Variants in DLEU7 observed in about 807,000 individuals in gnomAD.
DLEU7 encodes leukemia-associated protein 7.
DLEU7 carries 17 observed loss-of-function variants against 16.0 expected under a neutral mutation model. That is an observed-to-expected ratio of 1.06 (90% CI 0.73 to 1.59). The LOEUF is 1.59. DLEU7 is among the 40% of genes most tolerant of loss of function. DLEU7 has a pLI of 0.00. For synonymous variants in DLEU7, 113 were observed against 139.8 expected (o/e 0.81, Z 1.35); for missense variants, 308 against 314.9 (o/e 0.98, Z 0.17).
intron 1 of DLEU7, among the ~76,000 whole-genome samples, chr13:50,729,537 G>A (rs1566231533): frequency 6.6e-6 from 1 of 151,584 alleles, no homozygotes; most frequent in Non-Finnish European, 1.5e-5. Context: ...TATTCCTTTA[G>A]GTATTTACCT....
chr13:50,826,993 G>C (rs1566265710), intron 1 of DLEU7, among the ~76,000 whole-genome samples: 1 of 152,096 alleles, frequency 6.6e-6, no homozygotes, highest in Non-Finnish European at 1.5e-5. Flanking sequence ...CTCACAGTTA[G>C]ATATTTCTGA....
At chr13:50,715,900 G>C (rs1271755772) in intron 1 of DLEU7, among the ~76,000 whole-genome samples, 5 of 152,360 alleles carry the variant, frequency 3.3e-5, no homozygotes. Flanking sequence ...AAGTTTGGCT[G>C]TCATGCCCTG....
intron 1 of DLEU7, among the ~76,000 whole-genome samples, chr13:50,827,131 G>A (rs143127290): frequency 1.3e-5 from 2 of 152,096 alleles, no homozygotes; most frequent in African/African-American, 4.8e-5. Flanking sequence ...TTATAAAAAC[G>A]AACGTGGAGT....
intron 1 of DLEU7, among the ~76,000 whole-genome samples, chr13:50,746,709 T>A (rs990814855): frequency 6.6e-6 from 1 of 152,142 alleles, no homozygotes; most frequent in Non-Finnish European, 1.5e-5. Context: ...TAATACACTT[T>A]TCTACTTCCA....
intron 1 of DLEU7, among the ~76,000 whole-genome samples, chr13:50,743,485 C>T (rs557077521): frequency 5.3e-5 from 8 of 152,200 alleles, no homozygotes; most frequent in African/African-American, 1.7e-4. Flanking sequence ...TTGAGCATGT[C>T]GCTCAACCTT....
intron 1 of DLEU7, among the ~76,000 whole-genome samples, chr13:50,838,104 A>G (rs1213733766): frequency 1.3e-5 from 2 of 152,138 alleles, no homozygotes; most frequent in East Asian, 3.9e-4. Flanking sequence ...CTCATCATCA[A>G]TGTCTTCCTC....
At chr13:50,813,189 C>A (rs537650984) in intron 1 of DLEU7, 2 of 152,232 alleles carry the variant, frequency 1.3e-5, no homozygotes, top group East Asian at 3.9e-4. Flanking sequence ...TATATACTTA[C>A]ATTGATCTAT....
chr13:50,779,111 A>C (rs1356446570), intron 1 of DLEU7, among the ~76,000 whole-genome samples: 2 of 152,198 alleles, frequency 1.3e-5, no homozygotes, highest in African/African-American at 4.8e-5. Flanking sequence ...CTTCTAGTCC[A>C]AAGACAGCAA....
intron 1 of DLEU7, among the ~76,000 whole-genome samples, chr13:50,805,293 GTCTC>G (rs1593402299): frequency 6.6e-6 from 1 of 152,238 alleles, no homozygotes; most frequent in East Asian, 1.9e-4. Flanking sequence ...TTTATCAAAT[GTCTC>G]TCAGCATCTA....
intron 1 of DLEU7, among the ~76,000 whole-genome samples, chr13:50,786,296 AAG>A (rs1439958722): frequency 6.6e-6 from 1 of 152,208 alleles, no homozygotes; most frequent in African/African-American, 2.4e-5. Flanking sequence ...CAAGACTCTA[AAG>A]AAATGACACA....
At chr13:50,763,331 T>C (rs1056030570) in intron 1 of DLEU7, among the ~76,000 whole-genome samples, 12 of 152,024 alleles carry the variant, frequency 7.9e-5, no homozygotes, top group South Asian at 2.1e-4. Flanking sequence ...GGAAAATCAG[T>C]CTAGTGTGAA....
chr13:50,764,864 C>A (rs895724397), intron 1 of DLEU7, among the ~76,000 whole-genome samples: 4 of 143,276 alleles, frequency 2.8e-5, no homozygotes, highest in Non-Finnish European at 5.9e-5. Flanking sequence ...CATGTTGCAC[C>A]TTTTTTGGGT....
intron 1 of DLEU7, among the ~76,000 whole-genome samples, chr13:50,735,586 A>C (rs1874043896): frequency 6.6e-6 from 1 of 152,064 alleles, no homozygotes; most frequent in Admixed American, 6.6e-5. Context: ...AATATATGAA[A>C]AAATGAAAAT....
At chr13:50,763,397 C>T (rs887453994) in intron 1 of DLEU7, among the ~76,000 whole-genome samples, 21 of 152,102 alleles carry the variant, frequency 1.4e-4, no homozygotes, top group African/African-American at 4.8e-4. Context: ...GACTGCTCTG[C>T]AGTTATTCAA....
rs548307726 is a variant in DLEU7, at chr13:50,743,696, G to C, written c.460-30456C>G. On this transcript the variant is annotated intron_variant, in intron 1 of 1. Coordinates refer to the DLEU7 transcript ENST00000400393. Reference sequence around the variant, plus strand: ...TTAAAATATGATTAAGGATCTAAGAGAGTGAAGAACAAAGCAATAAGCTCA... The same window carrying C: ...TTAAAATATGATTAAGGATCTAAGACAGTGAAGAACAAAGCAATAAGCTCA... Among the ~76,000 whole-genome samples the C allele has an allele frequency of 2.0e-5, 3 of 152,302 alleles. No homozygotes were observed. The East Asian group carries it at 5.8e-4, about 29-fold the overall frequency.
chr13:50,764,812 C>A (rs937295102), intron 1 of DLEU7, among the ~76,000 whole-genome samples: 3 of 152,120 alleles, frequency 2.0e-5, no homozygotes, highest in African/African-American at 7.2e-5. Context: ...TTAGAGTGTT[C>A]ACTAATTAAG....
chr13:50,832,814 G>T (rs1263709411), intron 1 of DLEU7, among the ~76,000 whole-genome samples: 1 of 152,196 alleles, frequency 6.6e-6, no homozygotes, highest in Admixed American at 6.5e-5. Flanking sequence ...TTAATCCTGA[G>T]TTGTAATTTG....
intron 1 of DLEU7, among the ~76,000 whole-genome samples, chr13:50,787,114 T>C (rs1158921795): frequency 1.3e-5 from 2 of 152,216 alleles, no homozygotes; most frequent in Non-Finnish European, 2.9e-5. Flanking sequence ...ATAATTTTTC[T>C]GGCATCACCT....
At chr13:50,740,080 G>T (rs907353743) in intron 1 of DLEU7, among the ~76,000 whole-genome samples, 6 of 152,122 alleles carry the variant, frequency 3.9e-5, no homozygotes, top group Non-Finnish European at 8.8e-5. Context: ...AATGTTTCAA[G>T]TTCTTTTAAG....
Sources: allele counts gnomAD v4.1 joint callset (sites outside exome capture counted in the v4.1 genomes callset), GRCh38; gene constraint gnomAD v4.1.1; transcripts MANE v1.5; gene names NCBI Gene and HGNC (gene_info 2026-07-23, HGNC 2026-07-21).